The following CSMD2 variants were observed in gnomAD, a reference collection of about 807,000 sequenced individuals.
CSMD2 encodes the protein CUB and sushi domain-containing protein 2.
CSMD2 carries 130 observed loss-of-function variants against 398.5 expected under a neutral mutation model. The observed-to-expected ratio is 0.33, with a 90% CI of 0.28 to 0.38. The LOEUF (loss-of-function observed/expected upper bound fraction) is 0.38, where lower values mean the gene tolerates loss of function less well. CSMD2 is among the 10% of genes least tolerant of loss of function. The pLI, the probability that CSMD2 is intolerant of heterozygous loss-of-function variation, is 1.00. For missense variants in CSMD2, 3,829 were observed against 4,764.9 expected, an observed-to-expected ratio of 0.80 and a Z score of 5.78; for synonymous variants, 1,828 against 1,908.5, an observed-to-expected ratio of 0.96 and a Z score of 1.10.
chr1:33,654,102 A>T (rs1362370612), intron 27 of CSMD2, among the ~76,000 whole-genome samples: 49 of 152,218 alleles, frequency 3.2e-4, no homozygotes, highest in Admixed American at 3.2e-3. Flanking sequence ...GTGGCTGAAC[A>T]TAAAATCCGA....
intron 2 of CSMD2, among the ~76,000 whole-genome samples, chr1:34,064,057 A>G (rs1203302999): frequency 6.6e-6 from 1 of 152,204 alleles, no homozygotes; most frequent in Non-Finnish European, 1.5e-5. Flanking sequence ...CCTAGGCTGC[A>G]CACAGCATGG....
intron 25 of CSMD2, among the ~76,000 whole-genome samples, chr1:33,674,129 T>A (rs1644614188): frequency 6.6e-6 from 1 of 152,220 alleles, no homozygotes; most frequent in African/African-American, 2.4e-5. Flanking sequence ...TAAATGTATA[T>A]GGGCTAAATG....
intron 49 of CSMD2, among the ~76,000 whole-genome samples, chr1:33,576,599 G>C (rs1230403535): frequency 6.6e-6 from 1 of 152,054 alleles, no homozygotes; most frequent in Non-Finnish European, 1.5e-5. Flanking sequence ...TCAAAAAATA[G>C]TATATAGTTA....
intron 3 of CSMD2, among the ~76,000 whole-genome samples, chr1:34,014,784 GCAA>G (rs1647852843): frequency 6.6e-6 from 1 of 152,218 alleles, no homozygotes; most frequent in Admixed American, 6.5e-5. Flanking sequence ...ATGAACAACA[GCAA>G]CAACAAAACA....
chr1:33,519,760 GGA>G lies in CSMD2; in HGVS notation c.10736+50_10736+51del. ...GGGTCTGGTGCGGGGGGCCCTGGAG[GGA>G]GAGAGGGAGGCCTGCCTGATGCCCG... is the stretch of plus-strand genomic sequence containing the variant. On this transcript the variant is annotated intron_variant, in intron 69 of 70. Transcript: ENST00000373381. The surrounding 1 kb of genome is among the most constrained non-coding windows in gnomAD (Gnocchi z 5.6). The G allele has an allele frequency of 3.7e-6, 6 of 1,612,684 alleles. No individual in the cohort carries two copies. The highest frequency in any genetic ancestry group is 5.1e-6 in the Non-Finnish European group (6 of 1,178,908).
chr1:33,713,450 T>C (rs939599472), intron 21 of CSMD2, among the ~76,000 whole-genome samples: 5 of 152,308 alleles, frequency 3.3e-5, no homozygotes, highest in African/African-American at 1.2e-4. Flanking sequence ...GCATGGAAAA[T>C]ACTCCATGAA....
Position 33,533,358 on chromosome 1 carries a change from C to A in CSMD2, c.9992-129G>T, listed in dbSNP as rs1236093888. On this transcript the variant is annotated intron_variant, in intron 63 of 70. Coordinates refer to ENST00000373381, the MANE Select transcript of CSMD2 (RefSeq NM_001281956.2). The surrounding 1 kb of genome is among the most constrained non-coding windows in gnomAD (Gnocchi z 4.2). ...TTCCAGTCCCTTTCATGCCAAGCATCCCCCTCCCTAATCCTCCACCCTAAC... is the reference window on the plus strand; with the variant it reads ...TTCCAGTCCCTTTCATGCCAAGCATACCCCTCCCTAATCCTCCACCCTAAC... 1.2e-6 allele frequency: 1 copy of A among 839,916 alleles called. No homozygotes were observed. The highest frequency in any genetic ancestry group is 1.9e-6 in the Non-Finnish European group (1 of 536,932). 52.0% of individuals were successfully genotyped at this position (839,916 alleles called of 1,614,324 possible).
chr1:33,801,802 C>A (rs907417966), intron 10 of CSMD2, among the ~76,000 whole-genome samples: 6 of 152,072 alleles, frequency 3.9e-5, no homozygotes, highest in African/African-American at 1.2e-4. Context: ...ACCAGATGTG[C>A]CCAGACAGGT....
At chr1:34,003,451 C>A (rs1011264727) in intron 3 of CSMD2, among the ~76,000 whole-genome samples, 1 of 152,176 alleles carries the variant, frequency 6.6e-6, no homozygotes, top group African/African-American at 2.4e-5. Context: ...CAGCCTGCAT[C>A]CATCATGCCC....
At chr1:33,689,827 GAGA>G (rs1304847619) in intron 25 of CSMD2, among the ~76,000 whole-genome samples, 1 of 152,220 alleles carries the variant, frequency 6.6e-6, no homozygotes, top group Non-Finnish European at 1.5e-5. Context: ...AGGATGGAAA[GAGA>G]AGAACAAAGA....
intron 5 of CSMD2, among the ~76,000 whole-genome samples, chr1:33,887,170 A>G (rs1005511617): frequency 5.3e-5 from 8 of 152,146 alleles, no homozygotes; most frequent in African/African-American, 1.9e-4. Context: ...TTAGAAAACA[A>G]TTTGGCAATA....
intron 1 of CSMD2, among the ~76,000 whole-genome samples, chr1:34,099,005 T>C (rs1166466205): frequency 6.6e-6 from 1 of 152,186 alleles, no homozygotes. Flanking sequence ...GGGGGAAAAG[T>C]ACTATTAGTA....
At chr1:33,779,686 C>T (rs866393033) in intron 12 of CSMD2, among the ~76,000 whole-genome samples, 5 of 152,202 alleles carry the variant, frequency 3.3e-5, no homozygotes, top group East Asian at 1.9e-4. Context: ...TCTTTCGAAT[C>T]GCCCAGGCAG....
At chr1:34,089,281 T>C (rs1658279306) in intron 1 of CSMD2, 88 bp from the exon 2 acceptor site, 2 of 1,281,974 alleles carry the variant, frequency 1.6e-6, no homozygotes, top group South Asian at 1.3e-5. Flanking sequence ...TAGCAAATCA[T>C]GAACCCACTT....
At chr1:34,109,224 G>A (rs1164594826) in intron 1 of CSMD2, among the ~76,000 whole-genome samples, 2 of 152,202 alleles carry the variant, frequency 1.3e-5, no homozygotes, top group Non-Finnish European at 2.9e-5. Context: ...TTCAGCAGAC[G>A]TGTTGCTCAT....
At chr1:34,043,340 C>G (rs1009255313) in intron 2 of CSMD2, among the ~76,000 whole-genome samples, 1 of 152,190 alleles carries the variant, frequency 6.6e-6, no homozygotes, top group Non-Finnish European at 1.5e-5. Flanking sequence ...TACCTTCCCC[C>G]CAACCCTGCA....
At position 34,148,490 on chromosome 1, in the gene CSMD2, A is replaced by AATTCATTC. The variant is rs146702321; in HGVS notation, c.187+16413_187+16420dup. ...TTGATCTGACAACCACTTGACGTGT[A>AATTCATTC]ATTCATTCATTCATTCATTCATTCA... On this transcript the variant is annotated intron_variant, in intron 1 of 70. Coordinates refer to ENST00000373381, the MANE Select transcript of CSMD2 (RefSeq NM_001281956.2). 1.4e-4 allele frequency among the ~76,000 whole-genome samples: 22 copies of AATTCATTC among 152,268 alleles called. 1 individual carries two copies. Among genetic ancestry groups the AATTCATTC allele is most frequent in the Middle Eastern group, 3.4e-3 (1 of 292 alleles).
chr1:34,011,169 G>C (rs1647281441), intron 3 of CSMD2, among the ~76,000 whole-genome samples: 1 of 152,170 alleles, frequency 6.6e-6, no homozygotes, highest in Admixed American at 6.5e-5. Flanking sequence ...GGGAGAGGCT[G>C]CCTGTGCTCA....
intron 7 of CSMD2, among the ~76,000 whole-genome samples, chr1:33,822,703 A>T (rs1359844910): frequency 6.6e-6 from 1 of 152,146 alleles, no homozygotes; most frequent in African/African-American, 2.4e-5. Flanking sequence ...TGGAAGCCTC[A>T]GTTTTTTGCA....
Sources: gnomAD v4.1 joint callset for allele counts (sites outside exome capture counted in the v4.1 genomes callset) on GRCh38, gnomAD v4.1.1 for gene constraint, Gnocchi (gnomAD v3.1) non-coding constraint, MANE v1.5 for transcripts, NCBI Gene and HGNC (gene_info 2026-07-23, HGNC 2026-07-21) for gene names.